The following LMX1A variants were observed in gnomAD, a reference collection of about 807,000 sequenced individuals.
LMX1A encodes LIM homeobox transcription factor 1-alpha.
A neutral mutation model predicts 49.1 loss-of-function variants in LMX1A; 15 were observed. The ratio of observed to expected loss-of-function variants is 0.31; its 90% CI spans 0.20 to 0.47. The LOEUF (loss-of-function observed/expected upper bound fraction) is 0.47. Among genes scored for constraint, LMX1A ranks in the 20% least tolerant of loss-of-function variants. The pLI, the probability that LMX1A is intolerant of heterozygous loss-of-function variation, is 1.00. For synonymous variants in LMX1A, 167 were observed against 185.7 expected (o/e 0.90, Z 0.82); for missense variants, 372 against 475.8 (o/e 0.78, Z 2.03).
In LMX1A at chr1:165,353,088, T is replaced by G; in HGVS notation, c.251A>C (p.Tyr84Ser). The change falls in exon 3 of 9, where the codon TAT becomes TCT. Residue 84 changes from tyrosine (Y) to serine (S), a missense_variant. Coordinates refer to ENST00000342310, the MANE Select transcript of LMX1A (RefSeq NM_177398.4). ...TGCGGCCACTTACTTCTCGTAGTCA[T>G]ACTTGCAGTACAGCTTCTTGTCCCG... Reference protein sequence around the residue: ...FYRDKKLYCKYDYEKLFAVKC... With the variant: ...FYRDKKLYCKSDYEKLFAVKC... 3.1e-6 allele frequency: 5 copies of G among 1,614,194 alleles called. No homozygotes were observed. The highest frequency in any genetic ancestry group is 4.2e-6 in the Non-Finnish European group (5 of 1,180,016).
At position 165,247,054 on chromosome 1, in the gene LMX1A, C is replaced by CT. The variant is rs71097567; in HGVS notation, c.496+2353dup. ...GTTACTTAGATCAGATCAGCTTTTTCTTTTTTTTTTTTTTTTTTTTTTTTT... is the reference window on the plus strand; with the variant it reads ...GTTACTTAGATCAGATCAGCTTTTTCTTTTTTTTTTTTTTTTTTTTTTTTTT... On this transcript the variant is annotated intron_variant, in intron 4 of 8. Transcript: ENST00000342310. Among the ~76,000 whole-genome samples the CT allele has an allele frequency of 6.9e-3, 366 of 53,212 alleles. 75 individuals carry two copies. The highest frequency in any genetic ancestry group is 0.018 in the African/African-American group (256 of 13,902). The allele number at this position is 53,212 out of a possible 152,430, so 34.9% of individuals were successfully genotyped here.
intron 3 of LMX1A, among the ~76,000 whole-genome samples, chr1:165,341,303 A>C (rs1656068646): frequency 6.6e-6 from 1 of 152,098 alleles, no homozygotes. Context: ...TCCGGGCTCC[A>C]TCCATTTGCA....
At chr1:165,270,755 A>T (rs1471609323) in intron 3 of LMX1A, among the ~76,000 whole-genome samples, 1 of 152,174 alleles carries the variant, frequency 6.6e-6, no homozygotes, top group Non-Finnish European at 1.5e-5. Flanking sequence ...GGATAACTTG[A>T]ACAAAGAACA....
Position 165,285,119 on chromosome 1 carries a change from C to A in LMX1A, c.264-35479G>T, listed in dbSNP as rs147650383. On this transcript the variant is annotated intron_variant, in intron 3 of 8. Coordinates refer to ENST00000342310, the MANE Select transcript of LMX1A (RefSeq NM_177398.4). ...AGTTTCCCTGGTTTTAAATATTAAT[C>A]TGCAAAAGGCATAAGGATCTCCCAG... Among the ~76,000 whole-genome samples the A allele has an allele frequency of 5.6e-3, 855 of 152,322 alleles. 6 individuals are homozygous for A. The highest frequency in any genetic ancestry group is 9.2e-3 in the Non-Finnish European group (629 of 68,024).
intron 3 of LMX1A, among the ~76,000 whole-genome samples, chr1:165,333,796 T>A (rs971231050): frequency 6.6e-6 from 1 of 152,050 alleles, no homozygotes; most frequent in African/African-American, 2.4e-5. Context: ...TCAATAATAA[T>A]GATGACCGCC....
At chr1:165,310,180 T>C (rs1655035517) in intron 3 of LMX1A, among the ~76,000 whole-genome samples, 1 of 152,210 alleles carries the variant, frequency 6.6e-6, no homozygotes. Flanking sequence ...CCAACAAAAT[T>C]CTTCCCAGCT....
At position 165,355,591 on chromosome 1, in the gene LMX1A, A is replaced by T; in HGVS notation, c.-22-10T>A. ...GCCGGGCCGGGAGGACCTGTAGAGG[A>T]GAAGAAACGATGCGTCTGACGTCCG... is the stretch of plus-strand genomic sequence containing the variant. On this transcript the variant is annotated splice_polypyrimidine_tract_variant and intron_variant, in intron 1 of 8. Coordinates refer to ENST00000342310, the MANE Select transcript of LMX1A (RefSeq NM_177398.4). This position sits in a 1 kb window ranked among gnomAD's most constrained non-coding sequence, Gnocchi z 4.7. The T allele has an allele frequency of 6.2e-7, 1 of 1,605,904 alleles. No individual in the cohort carries two copies. The highest frequency in any genetic ancestry group is 8.5e-7 in the Non-Finnish European group (1 of 1,174,666).
chr1:165,343,164 T>C (rs560452125), intron 3 of LMX1A, among the ~76,000 whole-genome samples: 1 of 152,308 alleles, frequency 6.6e-6, no homozygotes, highest in East Asian at 1.9e-4. Context: ...ATTTCAAATA[T>C]TAAACAAAAG....
intron 5 of LMX1A, chr1:165,211,247 T>C (rs1188533254): frequency 6.6e-6 from 1 of 152,308 alleles, no homozygotes; most frequent in Non-Finnish European, 1.5e-5. Flanking sequence ...TAACTTTGGG[T>C]GTTTCATGAA....
chr1:165,281,554 A>G (rs976176619), intron 3 of LMX1A, among the ~76,000 whole-genome samples: 4 of 152,248 alleles, frequency 2.6e-5, no homozygotes, highest in Non-Finnish European at 5.9e-5. Flanking sequence ...AGAGGTGAAG[A>G]TAAGGGAACT....
intron 3 of LMX1A, among the ~76,000 whole-genome samples, chr1:165,267,940 A>T (rs1333287356): frequency 6.6e-6 from 1 of 152,204 alleles, no homozygotes; most frequent in African/African-American, 2.4e-5. Flanking sequence ...AAATTGAGTG[A>T]CAGACAGAGG....
At chr1:165,298,602 C>T (rs1654690167) in intron 3 of LMX1A, among the ~76,000 whole-genome samples, 1 of 152,200 alleles carries the variant, frequency 6.6e-6, no homozygotes, top group African/African-American at 2.4e-5. Flanking sequence ...TGAAATGCTG[C>T]CACATCATCT....
At chr1:165,303,476 A>C (rs534039017) in intron 3 of LMX1A, among the ~76,000 whole-genome samples, 1 of 152,366 alleles carries the variant, frequency 6.6e-6, no homozygotes, top group African/African-American at 2.4e-5. Context: ...TTACAAAAGC[A>C]CAAGACAGAT....
At chr1:165,295,740 C>T (rs901041378) in intron 3 of LMX1A, among the ~76,000 whole-genome samples, 20 of 152,094 alleles carry the variant, frequency 1.3e-4, no homozygotes, top group Admixed American at 3.9e-4. Flanking sequence ...TGAGATTGTC[C>T]CTGCTGTTTA....
chr1:165,262,180 G>A (rs1041753743), intron 3 of LMX1A, among the ~76,000 whole-genome samples: 4 of 152,134 alleles, frequency 2.6e-5, no homozygotes, highest in African/African-American at 9.7e-5. Flanking sequence ...TGCAGCTAGG[G>A]GTAGCCATGT....
chr1:165,233,734 T>C (rs56829084), intron 4 of LMX1A, among the ~76,000 whole-genome samples: 20,852 of 152,258 alleles, frequency 0.14, 2,315 homozygotes, highest in African/African-American at 0.3. Flanking sequence ...ACTCTTCCTG[T>C]ATTTCATAGT....
intron 3 of LMX1A, among the ~76,000 whole-genome samples, chr1:165,284,778 T>C (rs1654257091): frequency 6.6e-6 from 1 of 152,208 alleles, no homozygotes; most frequent in South Asian, 2.1e-4. Context: ...GCACCCGCCG[T>C]AGCACCCTCA....
intron 4 of LMX1A, among the ~76,000 whole-genome samples, chr1:165,248,507 G>A (rs1652940552): frequency 6.6e-6 from 1 of 152,216 alleles, no homozygotes; most frequent in Non-Finnish European, 1.5e-5. Flanking sequence ...AATGTAGTCA[G>A]TGTTAATTTA....
Position 165,249,487 on chromosome 1 carries a change from C to T in LMX1A, c.417G>A (p.Glu139=), listed in dbSNP as rs1314660767. The change falls in exon 4 of 9, where the codon GAG becomes GAA. Residue 139 remains glutamate, a synonymous_variant. Transcript: ENST00000342310. The part of the protein sequence containing the change: ...LQKGDEFVLK[E]GQLLCKGDYE... ...AGTCCCCTTTGCAGAGCAGCTGCCC[C>T]TCCTTCAGGACAAACTCATCACCCT... is the stretch of plus-strand genomic sequence containing the variant. The T allele has an allele frequency of 5.0e-6, 8 of 1,614,090 alleles. No homozygotes were observed. The highest frequency in any genetic ancestry group is 6.8e-6 in the Non-Finnish European group (8 of 1,180,050).
Sources: allele counts gnomAD v4.1 joint callset (sites outside exome capture counted in the v4.1 genomes callset), GRCh38; gene constraint gnomAD v4.1.1; non-coding constraint Gnocchi (gnomAD v3.1); transcripts MANE v1.5; gene names NCBI Gene and HGNC (gene_info 2026-07-23, HGNC 2026-07-21).